Variants in TMC1 observed in about 807,000 individuals in gnomAD.
TMC1 encodes transmembrane channel-like protein 1.
Under a neutral mutation model 105.8 loss-of-function variants are expected in TMC1, and 84 were observed. That is an observed-to-expected ratio of 0.79 (90% CI 0.67 to 0.95). The LOEUF (loss-of-function observed/expected upper bound fraction) is 0.95, where lower values mean the gene tolerates loss of function less well. Ranked by LOEUF, TMC1 falls within the 40% of genes least tolerant of loss-of-function variation. The pLI is 0.00. For synonymous variants in TMC1, 315 were observed against 311.5 expected (o/e 1.01, Z -0.12); for missense variants, 817 against 914.1 (o/e 0.89, Z 1.37).
intron 1 of TMC1, among the ~76,000 whole-genome samples, chr9:72,547,037 A>G (rs911309968): frequency 1.3e-5 from 2 of 152,208 alleles, no homozygotes; most frequent in Non-Finnish European, 2.9e-5. Flanking sequence ...CCGTAATCCC[A>G]GCACCTTGGG....
chr9:72,541,908 C>T (rs1823685123), intron 1 of TMC1, among the ~76,000 whole-genome samples: 1 of 151,948 alleles, frequency 6.6e-6, no homozygotes, highest in African/African-American at 2.4e-5. Flanking sequence ...TATTAGCACA[C>T]ATAGCTGAAA....
intron 8 of TMC1, among the ~76,000 whole-genome samples, chr9:72,725,115 CA>C (rs957058297): frequency 2.6e-5 from 4 of 151,512 alleles, no homozygotes; most frequent in Non-Finnish European, 5.9e-5. Flanking sequence ...AGATAACAAT[CA>C]AGGCATTTTT....
intron 4 of TMC1, among the ~76,000 whole-genome samples, chr9:72,647,336 A>G (rs1471020060): frequency 6.6e-6 from 1 of 151,942 alleles, no homozygotes; most frequent in Non-Finnish European, 1.5e-5. Flanking sequence ...TCTTCTGGAT[A>G]TGAGTCTTGC....
intron 6 of TMC1, among the ~76,000 whole-genome samples, chr9:72,689,835 A>C (rs566396649): frequency 4.5e-4 from 69 of 152,130 alleles, no homozygotes; most frequent in African/African-American, 1.6e-3. Context: ...TGTGTCCTTA[A>C]ATCTAAAGTG....
intron 23 of TMC1, among the ~76,000 whole-genome samples, chr9:72,832,884 C>T (rs1367550995): frequency 2.6e-5 from 4 of 152,048 alleles, no homozygotes; most frequent in Admixed American, 1.3e-4. Context: ...TGAAAAACAG[C>T]ATCTTCTTCT....
At chr9:72,811,203 G>A (rs906806709) in intron 18 of TMC1, among the ~76,000 whole-genome samples, 3 of 152,114 alleles carry the variant, frequency 2.0e-5, no homozygotes, top group Non-Finnish European at 2.9e-5. Context: ...ATTGATTTCT[G>A]TACTGGCTCT....
intron 21 of TMC1, 113 bp from the exon 22 acceptor site, chr9:72,830,338 G>A: frequency 1.3e-6 from 1 of 784,920 alleles, no homozygotes; most frequent in Non-Finnish European, 2.2e-6. Flanking sequence ...GTAGAAGATA[G>A]CTTAATGTTC....
intron 5 of TMC1, among the ~76,000 whole-genome samples, chr9:72,683,733 T>TTATACATA (rs1826329093): frequency 1.9e-5 from 1 of 53,404 alleles, no homozygotes; most frequent in Admixed American, 3.0e-4. Context: ...GTTACACATT[T>TTATACATA]TATATATATA....
In TMC1 at chr9:72,763,362, C is replaced by T. The variant is rs572513597; in HGVS notation, c.741+8478C>T. Among the ~76,000 whole-genome samples the T allele has an allele frequency of 5.7e-4, 86 of 152,186 alleles. No homozygotes were observed. The Middle Eastern group carries it at 0.02, about 36-fold the overall frequency. On this transcript the variant is annotated intron_variant, in intron 12 of 23. Coordinates refer to ENST00000297784, the MANE Select transcript of TMC1 (RefSeq NM_138691.3). Reference sequence around the variant, plus strand: ...TGAGAAAACCCAAGGTCTCTGTCCTCAGGAACATAAAGTCCGAGGGAGTAG... The same window carrying T: ...TGAGAAAACCCAAGGTCTCTGTCCTTAGGAACATAAAGTCCGAGGGAGTAG...
intron 5 of TMC1, among the ~76,000 whole-genome samples, chr9:72,670,120 T>G (rs146046045): frequency 6.6e-6 from 1 of 152,310 alleles, no homozygotes; most frequent in Non-Finnish European, 1.5e-5. Context: ...GCTCTGGATT[T>G]CTGTAGTGTT....
intron 12 of TMC1, among the ~76,000 whole-genome samples, chr9:72,760,932 T>C (rs1226965864): frequency 1.3e-5 from 2 of 152,080 alleles, no homozygotes; most frequent in Admixed American, 6.6e-5. Flanking sequence ...TCACAACTCA[T>C]CCAAATTCTC....
chr9:72,822,514 T>TTGTGTGTGTGTG (rs368968408), intron 20 of TMC1, among the ~76,000 whole-genome samples: 97 of 135,768 alleles, frequency 7.1e-4, no homozygotes, highest in Non-Finnish European at 1.1e-3. Context: ...GTTAATTCCG[T>TTGTGTGTGTGTG]TGTGTGTGTG....
intron 2 of TMC1, among the ~76,000 whole-genome samples, chr9:72,586,688 G>A (rs1824558795): frequency 6.6e-6 from 1 of 152,124 alleles, no homozygotes; most frequent in Admixed American, 6.5e-5. Context: ...TGGTCATCTT[G>A]CGGGGAGAGA....
chr9:72,702,210 T>C (rs1187788064), intron 8 of TMC1, among the ~76,000 whole-genome samples: 1 of 152,142 alleles, frequency 6.6e-6, no homozygotes, highest in Non-Finnish European at 1.5e-5. Context: ...TGGAGCAATA[T>C]TGTGAACTTC....
chr9:72,730,518 A>G (rs1484135088), intron 8 of TMC1, among the ~76,000 whole-genome samples: 2 of 152,160 alleles, frequency 1.3e-5, no homozygotes, highest in African/African-American at 4.8e-5. Flanking sequence ...ATGGACTTAC[A>G]AAAATATTGA....
At chr9:72,821,551 A>G (rs1241604077) in intron 20 of TMC1, among the ~76,000 whole-genome samples, 1 of 152,108 alleles carries the variant, frequency 6.6e-6, no homozygotes. Flanking sequence ...ATTCAGGTTC[A>G]ATAGGTGACA....
intron 12 of TMC1, among the ~76,000 whole-genome samples, chr9:72,769,191 C>T (rs1411126909): frequency 6.6e-6 from 1 of 152,126 alleles, no homozygotes; most frequent in Non-Finnish European, 1.5e-5. Context: ...CTCTCTAAGG[C>T]TCAGTTTCTT....
intron 8 of TMC1, among the ~76,000 whole-genome samples, chr9:72,700,888 C>A (rs1037385636): frequency 1.9e-4 from 28 of 151,004 alleles, no homozygotes; most frequent in African/African-American, 6.8e-4. Context: ...TGCATATATA[C>A]CCAAATATAT....
At position 72,619,768 on chromosome 9, in the gene TMC1, T is replaced by C. The variant is rs1000391753; in HGVS notation, c.-196+3291T>C. ...AATGCTTGTACCTGTGTTTAGGGAT[T>C]TGATCCTCCAGGTAGGAAACTACAG... On this transcript the variant is annotated intron_variant, in intron 3 of 23. Transcript: ENST00000297784. 2.0e-5 allele frequency among the ~76,000 whole-genome samples: 3 copies of C among 151,988 alleles called. No individual in the cohort carries two copies. In the East Asian group the frequency reaches 5.8e-4, roughly 29 times the overall value.
Sources: gnomAD v4.1 joint callset for allele counts (sites outside exome capture counted in the v4.1 genomes callset) on GRCh38, gnomAD v4.1.1 for gene constraint, MANE v1.5 for transcripts, NCBI Gene and HGNC (gene_info 2026-07-23, HGNC 2026-07-21) for gene names.